HSD17B12: variants seen among roughly 807,000 people sequenced by gnomAD.
The protein encoded by HSD17B12 is very-long-chain 3-oxoacyl-CoA reductase.
A neutral mutation model predicts 39.3 loss-of-function variants in HSD17B12; 32 were observed. The ratio of observed to expected loss-of-function variants is 0.81; its 90% CI spans 0.61 to 1.09. HSD17B12 has a LOEUF of 1.09. Among genes scored for constraint, HSD17B12 ranks in the 50% least tolerant of loss-of-function variants. The probability of loss-of-function intolerance (pLI) is 0.00; values close to 1 mark genes in which losing one functional copy is unlikely to be tolerated. For missense variants in HSD17B12, 342 were observed against 382.9 expected, an observed-to-expected ratio of 0.89 and a Z score of 0.89; for synonymous variants, 150 against 146.7, an observed-to-expected ratio of 1.02 and a Z score of -0.16.
At chr11:43,655,991 T>C in the HSD17B12 span, among the ~76,000 whole-genome samples, 1 of 152,244 alleles carries the variant, frequency 6.6e-6, no homozygotes, top group East Asian at 1.9e-4. Context: ...TACCAGCTCC[T>C]CCTTGTACCT....
the HSD17B12 span, among the ~76,000 whole-genome samples, chr11:43,649,251 G>T: frequency 2.6e-5 from 4 of 152,132 alleles, no homozygotes; most frequent in South Asian, 6.2e-4. Context: ...ATTACTTTCT[G>T]ATAGAATTTG....
At chr11:43,556,749 G>A in the HSD17B12 span, among the ~76,000 whole-genome samples, 1 of 136,434 alleles carries the variant, frequency 7.3e-6, no homozygotes, top group Non-Finnish European at 1.5e-5. Context: ...CACTGAACGC[G>A]AACTGTTTTG....
At chr11:43,730,735 G>A (rs779057474) in intron 1 of HSD17B12, among the ~76,000 whole-genome samples, 1 of 152,162 alleles carries the variant, frequency 6.6e-6, no homozygotes, top group Non-Finnish European at 1.5e-5. Context: ...ACCTAGGGGT[G>A]TGCTGGGCCT....
At chr11:43,712,379 A>G (rs1021012590) in intron 1 of HSD17B12, among the ~76,000 whole-genome samples, 4 of 152,096 alleles carry the variant, frequency 2.6e-5, no homozygotes, top group African/African-American at 9.7e-5. Context: ...GTGAGCTGAG[A>G]TGTTGCCACT....
the HSD17B12 span, chr11:43,644,382 G>A: frequency 3.3e-5 from 5 of 152,330 alleles, no homozygotes; most frequent in African/African-American, 1.2e-4. Flanking sequence ...CTGGAAGGTG[G>A]GCAAGCAGCC....
intron 1 of HSD17B12, among the ~76,000 whole-genome samples, chr11:43,683,093 T>TGTG (rs1176469865): frequency 2.0e-5 from 3 of 148,388 alleles, no homozygotes; most frequent in African/African-American, 7.4e-5. Context: ...TGCCTGGATG[T>TGTG]GTTTTTTTTT....
chr11:43,591,837 A>T, the HSD17B12 span, among the ~76,000 whole-genome samples: 17 of 152,072 alleles, frequency 1.1e-4, no homozygotes, highest in Admixed American at 3.9e-4. Context: ...TTTATTTATG[A>T]CTATAAAACA....
upstream of HSD17B12, among the ~76,000 whole-genome samples, chr11:43,679,884 G>A (rs949791151): frequency 6.6e-6 from 1 of 152,092 alleles, no homozygotes; most frequent in Non-Finnish European, 1.5e-5. Flanking sequence ...TAACCCGGGC[G>A]AATGCCTGCA....
At chr11:43,751,071 G>A in intron 2 of HSD17B12, 114 bp downstream of exon 2, 2 of 583,212 alleles carry the variant, frequency 3.4e-6, no homozygotes, top group Non-Finnish European at 5.7e-6. Context: ...AATGTTGCAT[G>A]GTACAATAGA....
intron 3 of HSD17B12, 117 bp downstream of exon 3, chr11:43,754,238 A>C: frequency 2.0e-5 from 14 of 706,148 alleles, no homozygotes; most frequent in Middle Eastern, 4.1e-4. Context: ...GAGAGATATC[A>C]TTAAAGAGCA....
intron 6 of HSD17B12, among the ~76,000 whole-genome samples, chr11:43,826,594 T>G (rs1951243528): frequency 1.3e-5 from 2 of 152,120 alleles, no homozygotes; most frequent in African/African-American, 4.8e-5. Flanking sequence ...GCTGGGAAAA[T>G]GGCAAGGCAG....
At chr11:43,719,628 AT>A (rs143209311) in intron 1 of HSD17B12, among the ~76,000 whole-genome samples, 2,287 of 74,494 alleles carry the variant, frequency 0.031, 33 homozygotes, top group African/African-American at 0.057. Flanking sequence ...AAAAAAAAAA[AT>A]ATATATATAT....
the HSD17B12 span, among the ~76,000 whole-genome samples, chr11:43,605,019 A>G: frequency 6.6e-6 from 1 of 152,172 alleles, no homozygotes; most frequent in Non-Finnish European, 1.5e-5. Flanking sequence ...GGGAGCTGCT[A>G]TGTATGGAAA....
chr11:43,834,892 C>T (rs1238186938), intron 7 of HSD17B12, among the ~76,000 whole-genome samples: 2 of 151,900 alleles, frequency 1.3e-5, no homozygotes, highest in Non-Finnish European at 2.9e-5. Flanking sequence ...TGGGTTTTTT[C>T]GCAACATTTT....
In HSD17B12 at chr11:43,681,136, C is replaced by T. The variant is rs910831985; in HGVS notation, c.160+149C>T. On this transcript the variant is annotated intron_variant, in intron 1 of 10. Transcript: ENST00000278353. ...CCTGTGCCCCGCGGGCCCCTCCTGGCTCCCTTGGCTGTCTTCTGCTTGCTT... is the reference window on the plus strand; with the variant it reads ...CCTGTGCCCCGCGGGCCCCTCCTGGTTCCCTTGGCTGTCTTCTGCTTGCTT... 5 of 1,419,664 alleles carry T rather than the reference C, an allele frequency of 3.5e-6. No individual in the cohort carries two copies. In the East Asian group the frequency reaches 1.1e-4, roughly 30 times the overall value. 87.9% of individuals were successfully genotyped at this position (1,419,664 alleles called of 1,614,324 possible).
the HSD17B12 span, among the ~76,000 whole-genome samples, chr11:43,653,176 A>G: frequency 6.6e-6 from 1 of 152,150 alleles, no homozygotes; most frequent in South Asian, 2.1e-4. Context: ...CCAACATTAT[A>G]ACAAAAGACT....
the HSD17B12 span, among the ~76,000 whole-genome samples, chr11:43,653,246 A>G: frequency 1.3e-5 from 2 of 152,196 alleles, no homozygotes; most frequent in Non-Finnish European, 2.9e-5. Context: ...GGATATCCAT[A>G]TGCAAAAAGA....
chr11:43,759,797 G>T (rs1403689747), intron 3 of HSD17B12, among the ~76,000 whole-genome samples: 1 of 151,658 alleles, frequency 6.6e-6, no homozygotes, highest in Non-Finnish European at 1.5e-5. Context: ...GCCCAAATAT[G>T]GCTCACTGTG....
At chr11:43,576,804 G>A in the HSD17B12 span, among the ~76,000 whole-genome samples, 1 of 152,260 alleles carries the variant, frequency 6.6e-6, no homozygotes, top group South Asian at 2.1e-4. Context: ...TGCATGCAAA[G>A]AAACCGAGAG....
Sources: gnomAD v4.1 joint callset for allele counts (sites outside exome capture counted in the v4.1 genomes callset) on GRCh38, gnomAD v4.1.1 for gene constraint, MANE v1.5 for transcripts, NCBI Gene and HGNC (gene_info 2026-07-23, HGNC 2026-07-21) for gene names.